Variants in CCSER2 observed in about 807,000 individuals in gnomAD.
CCSER2 encodes the protein coiled-coil serine rich protein 2.
In CCSER2, 46 loss-of-function variants were observed where a neutral mutation model predicts 92.3. The observed-to-expected ratio is 0.50, with a 90% CI of 0.39 to 0.64. CCSER2 has a LOEUF of 0.64. Among genes scored for constraint, CCSER2 ranks in the 30% least tolerant of loss-of-function variants. CCSER2 has a pLI of 0.00. For missense variants in CCSER2, 1,244 were observed against 1,238.9 expected, an observed-to-expected ratio of 1.00 and a Z score of -0.06; for synonymous variants, 433 against 431.4, an observed-to-expected ratio of 1.00 and a Z score of -0.04.
chr10:84,436,064 C>T (rs1379316420), intron 5 of CCSER2, among the ~76,000 whole-genome samples: 1 of 151,898 alleles, frequency 6.6e-6, no homozygotes, highest in Non-Finnish European at 1.5e-5. Flanking sequence ...GCGCCGTGGC[C>T]GACGCCTGTA....
At chr10:84,443,364 C>T (rs1483717188) in intron 6 of CCSER2, among the ~76,000 whole-genome samples, 1 of 152,078 alleles carries the variant, frequency 6.6e-6, no homozygotes, top group Non-Finnish European at 1.5e-5. Flanking sequence ...CGAAAGAAGA[C>T]AATTATGCAG....
chr10:84,361,686 G>A (rs541492661), intron 1 of CCSER2, among the ~76,000 whole-genome samples: 5 of 151,288 alleles, frequency 3.3e-5, no homozygotes, highest in African/African-American at 1.2e-4. Context: ...TTGTTGTCCA[G>A]GCTAGAGTGC....
chr10:84,488,377 T>C (rs1847937210), intron 9 of CCSER2, among the ~76,000 whole-genome samples: 2 of 152,186 alleles, frequency 1.3e-5, no homozygotes, highest in Non-Finnish European at 2.9e-5. Flanking sequence ...TCCTGGACTT[T>C]TTTTGTTTGG....
intron 3 of CCSER2, among the ~76,000 whole-genome samples, chr10:84,385,121 CAA>C (rs1251040815): frequency 6.6e-5 from 10 of 151,726 alleles, no homozygotes; most frequent in African/African-American, 2.4e-4. Flanking sequence ...ATGATACAAA[CAA>C]ATTGAAACAT....
intron 6 of CCSER2, chr10:84,455,804 T>G: frequency 9.6e-7 from 1 of 1,042,358 alleles, no homozygotes; most frequent in South Asian, 1.3e-5. Context: ...CACAGACTTA[T>G]CTGACTGATC....
chr10:84,350,592 C>T (rs1844807090), intron 1 of CCSER2, among the ~76,000 whole-genome samples: 1 of 152,206 alleles, frequency 6.6e-6, no homozygotes, highest in African/African-American at 2.4e-5. Flanking sequence ...CTATCTCTGT[C>T]AAGTGCTTAT....
intron 9 of CCSER2, among the ~76,000 whole-genome samples, chr10:84,503,159 C>T (rs753662596): frequency 7.9e-5 from 12 of 151,872 alleles, no homozygotes; most frequent in Admixed American, 2.0e-4. Context: ...ACCCATGAGG[C>T]GGAGCTTGCC....
chr10:84,367,551 A>AT (rs908332943), intron 1 of CCSER2, among the ~76,000 whole-genome samples: 8 of 150,748 alleles, frequency 5.3e-5, no homozygotes, highest in South Asian at 2.1e-4. Flanking sequence ...TAATTCTTGT[A>AT]TTTTTTTTGT....
At chr10:84,364,082 G>A (rs1380012701) in intron 1 of CCSER2, among the ~76,000 whole-genome samples, 1 of 143,406 alleles carries the variant, frequency 7.0e-6, no homozygotes, top group Non-Finnish European at 1.5e-5. Context: ...CTATATAAAA[G>A]AGAAAAAAAT....
chr10:84,494,131 T>C (rs1848316653), intron 9 of CCSER2, among the ~76,000 whole-genome samples: 1 of 152,216 alleles, frequency 6.6e-6, no homozygotes, highest in Admixed American at 6.5e-5. Context: ...ACTGGCCTGC[T>C]GCTCACCTCC....
At position 84,411,135 on chromosome 10, in the gene CCSER2, A is replaced by C. The variant is rs192674413; in HGVS notation, c.1615-6636A>C. On this transcript the variant is annotated intron_variant, in intron 3 of 9. Coordinates refer to ENST00000372088, the MANE Select transcript of CCSER2 (RefSeq NM_001284240.2). ...TCCGTTGGTCTATGTATCTATTCTT[A>C]TACCAGTACTGTGCTGTTTTGGTTA... Among the ~76,000 whole-genome samples, 4 of 152,250 alleles carry C rather than the reference A, an allele frequency of 2.6e-5. No individual in the cohort carries two copies. In the East Asian group the frequency reaches 5.8e-4, roughly 22 times the overall value.
intron 6 of CCSER2, among the ~76,000 whole-genome samples, chr10:84,463,732 C>T (rs1449071473): frequency 6.6e-6 from 1 of 152,198 alleles, no homozygotes; most frequent in Non-Finnish European, 1.5e-5. Context: ...CCGTAGCTCC[C>T]TTTTTTCTTC....
At position 84,513,689 on chromosome 10, in the gene CCSER2, C is replaced by T. The variant is rs750187894; in HGVS notation, c.2566C>T (p.Pro856Ser). 9.7e-6 allele frequency: 15 copies of T among 1,545,466 alleles called. No individual in the cohort carries two copies. The South Asian group carries it at 1.3e-4, about 13-fold the overall frequency. The stretch of plus-strand genomic sequence containing the variant: ...AACAATGGATGTGGCTAAGAGTACA[C>T]CTTCTGAAGCAAACTTAAACATTAC... ...QLTMDVAKSTPSEANLNITVN... is the reference protein window; with the variant it reads ...QLTMDVAKSTSSEANLNITVN... Residue 856 changes from proline (P) to serine (S), a missense_variant, in exon 10 of 10, where the codon CCT becomes TCT. Physicochemically the swap from Pro to Ser is moderately conservative, Grantham distance 74. Transcript: ENST00000372088.
At chr10:84,337,197 A>G (rs899725159) in intron 1 of CCSER2, among the ~76,000 whole-genome samples, 1 of 152,196 alleles carries the variant, frequency 6.6e-6, no homozygotes, top group Admixed American at 6.5e-5. Context: ...GAATGGATTA[A>G]AATAATTTAG....
chr10:84,392,140 C>A, intron 3 of CCSER2: 2 of 611,868 alleles, frequency 3.3e-6, no homozygotes, highest in Non-Finnish European at 5.9e-6. Flanking sequence ...CTACCCTTTA[C>A]GGGGGGAAGG....
In CCSER2 at chr10:84,513,567, A is replaced by G. The variant is rs1174711569; in HGVS notation, c.2444A>G (p.Gln815Arg). The G allele has an allele frequency of 6.2e-7, 1 of 1,614,104 alleles. No homozygotes were observed. The highest frequency in any genetic ancestry group is 1.7e-5 in the Admixed American group (1 of 59,992). Residue 815 changes from glutamine to arginine, a missense_variant, in exon 10 of 10, where the codon CAG becomes CGG. Transcript: ENST00000372088. ...GAATGCTCAATCCAAGACATGCATC[A>G]GGGCGGTGCACATCCGGAAGAAAGC... Reference protein sequence around the residue: ...RSECSIQDMHQGGAHPEESFT... With the variant: ...RSECSIQDMHRGGAHPEESFT...
chr10:84,343,431 G>A (rs1844313208), intron 1 of CCSER2, among the ~76,000 whole-genome samples: 1 of 152,102 alleles, frequency 6.6e-6, no homozygotes, highest in Admixed American at 6.5e-5. Flanking sequence ...AAGAAGCCCC[G>A]TCAGTGTAAG....
At chr10:84,392,574 A>G (rs564497302) in intron 3 of CCSER2, among the ~76,000 whole-genome samples, 7 of 151,824 alleles carry the variant, frequency 4.6e-5, no homozygotes, top group Admixed American at 2.6e-4. Flanking sequence ...TGTTTTGCAT[A>G]TTGATGAAGA....
At chr10:84,428,220 GGGT>G (rs1843545064) in intron 5 of CCSER2, among the ~76,000 whole-genome samples, 1 of 152,196 alleles carries the variant, frequency 6.6e-6, no homozygotes, top group South Asian at 2.1e-4. Flanking sequence ...CACAGGCCAT[GGGT>G]GGGAGGTTGG....
Sources: allele counts gnomAD v4.1 joint callset (sites outside exome capture counted in the v4.1 genomes callset), GRCh38; gene constraint gnomAD v4.1.1; transcripts MANE v1.5; gene names NCBI Gene and HGNC (gene_info 2026-07-23, HGNC 2026-07-21).